Variants in ALK observed in about 807,000 individuals in gnomAD.
ALK encodes ALK receptor tyrosine kinase, also known as ALK tyrosine kinase receptor.
A neutral mutation model predicts 163.1 loss-of-function variants in ALK; 74 were observed. That is an observed-to-expected ratio of 0.45 (90% CI 0.38 to 0.55). The LOEUF is 0.55. Ranked by LOEUF, ALK falls within the 20% of genes least tolerant of loss-of-function variation. ALK has a pLI of 0.00. For missense variants in ALK, 2,063 were observed against 2,105.3 expected (o/e 0.98, Z 0.39); for synonymous variants, 960 against 843.2 (o/e 1.14, Z -2.40).
At chr2:29,690,995 T>C (rs532885087) in intron 3 of ALK, among the ~76,000 whole-genome samples, 132 of 152,262 alleles carry the variant, frequency 8.7e-4, no homozygotes, top group African/African-American at 3.1e-3. Context: ...GGGATTAGGA[T>C]TGGAATATAG....
intron 5 of ALK, among the ~76,000 whole-genome samples, chr2:29,371,100 G>C (rs1054979759): frequency 1.3e-5 from 2 of 152,204 alleles, no homozygotes; most frequent in African/African-American, 4.8e-5. Flanking sequence ...AGGGATCTCC[G>C]AGACCATTTG....
chr2:29,827,751 C>T (rs978615108), intron 1 of ALK, among the ~76,000 whole-genome samples: 1 of 152,092 alleles, frequency 6.6e-6, no homozygotes, highest in Non-Finnish European at 1.5e-5. Flanking sequence ...CCAAGGTAAT[C>T]TATAGATTCA....
chr2:29,543,184 G>C (rs1225907328), intron 3 of ALK, among the ~76,000 whole-genome samples: 1 of 152,166 alleles, frequency 6.6e-6, no homozygotes. Context: ...AGCTCCTGGG[G>C]AGAGGTGGCA....
intron 1 of ALK, among the ~76,000 whole-genome samples, chr2:29,722,705 G>A (rs1679456049): frequency 6.6e-6 from 1 of 152,026 alleles, no homozygotes; most frequent in Non-Finnish European, 1.5e-5. Context: ...TGTGTCTTCA[G>A]CCCAATCTCT....
intron 1 of ALK, among the ~76,000 whole-genome samples, chr2:29,869,656 T>C (rs1175304038): frequency 1.3e-5 from 2 of 152,076 alleles, no homozygotes; most frequent in Non-Finnish European, 2.9e-5. Context: ...GAAGAAAGTA[T>C]GGATAAAGGC....
intron 4 of ALK, among the ~76,000 whole-genome samples, chr2:29,457,237 A>G (rs1273259896): frequency 1.3e-5 from 2 of 152,132 alleles, no homozygotes; most frequent in East Asian, 1.9e-4. Flanking sequence ...GAAATGTAGG[A>G]GCTGGAATCT....
At chr2:29,773,871 A>C (rs570402728) in intron 1 of ALK, among the ~76,000 whole-genome samples, 25 of 152,224 alleles carry the variant, frequency 1.6e-4, no homozygotes, top group Non-Finnish European at 3.5e-4. Flanking sequence ...TTTAATGTGA[A>C]GGCTTCTTTC....
chr2:29,792,182 C>T (rs909677921), intron 1 of ALK, among the ~76,000 whole-genome samples: 12 of 152,176 alleles, frequency 7.9e-5, no homozygotes, highest in African/African-American at 2.6e-4. Context: ...TCTAACTATA[C>T]ATTAGGTATT....
At chr2:29,786,676 G>A (rs1572378361) in intron 1 of ALK, among the ~76,000 whole-genome samples, 1 of 152,202 alleles carries the variant, frequency 6.6e-6, no homozygotes, top group East Asian at 1.9e-4. Context: ...GGAGCCCAAA[G>A]TCCAGGTGGA....
At chr2:29,530,092 T>A (rs1325711436) in intron 4 of ALK, among the ~76,000 whole-genome samples, 1 of 149,516 alleles carries the variant, frequency 6.7e-6, no homozygotes, top group Non-Finnish European at 1.5e-5. Context: ...TTTGCAAGAT[T>A]CTTTCATATT....
intron 4 of ALK, among the ~76,000 whole-genome samples, chr2:29,435,704 T>C (rs75249449): frequency 0.084 from 12,682 of 151,758 alleles, 702 homozygotes; most frequent in Non-Finnish European, 0.12. Context: ...GCTTCTCCCT[T>C]ATGCCAATAT....
intron 11 of ALK, among the ~76,000 whole-genome samples, chr2:29,270,039 A>C (rs991451320): frequency 1.3e-5 from 2 of 152,226 alleles, no homozygotes; most frequent in Non-Finnish European, 2.9e-5. Context: ...AATGAAAGAG[A>C]GATCCCTCTT....
intron 1 of ALK, among the ~76,000 whole-genome samples, chr2:29,776,009 T>A (rs1238962981): frequency 2.0e-5 from 3 of 152,190 alleles, no homozygotes; most frequent in Non-Finnish European, 4.4e-5. Context: ...GAGAGACTTT[T>A]CTGATTGCCA....
intron 3 of ALK, among the ~76,000 whole-genome samples, chr2:29,568,698 C>T (rs545116737): frequency 2.6e-5 from 4 of 152,214 alleles, no homozygotes; most frequent in East Asian, 3.9e-4. Context: ...GGTGTGGGTT[C>T]GGTTAGCAGA....
intron 1 of ALK, among the ~76,000 whole-genome samples, chr2:29,826,053 C>G (rs1253654414): frequency 6.6e-6 from 1 of 152,068 alleles, no homozygotes; most frequent in Admixed American, 6.5e-5. Context: ...TACACAACTG[C>G]TCTCCTGGGG....
At chr2:29,307,524 G>A (rs1478384528) in intron 8 of ALK, among the ~76,000 whole-genome samples, 1 of 152,172 alleles carries the variant, frequency 6.6e-6, no homozygotes, top group African/African-American at 2.4e-5. Flanking sequence ...TCTGTATGGG[G>A]GTTAAGGCTC....
intron 11 of ALK, among the ~76,000 whole-genome samples, chr2:29,272,138 GGAAAGAGATA>G (rs1477693163): frequency 1.3e-5 from 2 of 150,344 alleles, no homozygotes; most frequent in Non-Finnish European, 1.5e-5. Flanking sequence ...CACAGGGAGG[GGAAAGAGATA>G]GAAAGAGAGA....
intron 14 of ALK, 140 bp from the exon 15 acceptor site, chr2:29,232,588 T>G: frequency 8.6e-7 from 1 of 1,157,084 alleles, no homozygotes; most frequent in South Asian, 1.3e-5. Context: ...TGAGGTGGTT[T>G]GCGGGCTCTG....
intron 4 of ALK, among the ~76,000 whole-genome samples, chr2:29,523,030 T>C (rs1034458096): frequency 1.3e-5 from 2 of 152,086 alleles, no homozygotes; most frequent in African/African-American, 4.8e-5. Context: ...GGACTGCTTT[T>C]GTGGAGAGGG....
Sources: gnomAD v4.1 joint callset for allele counts (sites outside exome capture counted in the v4.1 genomes callset) on GRCh38, gnomAD v4.1.1 for gene constraint, MANE v1.5 for transcripts, NCBI Gene and HGNC (gene_info 2026-07-23, HGNC 2026-07-21) for gene names.